WWOX: variants seen among roughly 807,000 people sequenced by gnomAD.
The protein encoded by WWOX is WW domain containing oxidoreductase, also known as WW domain-containing oxidoreductase.
In WWOX, 69 loss-of-function variants were observed where a neutral mutation model predicts 46.2. The observed-to-expected ratio is 1.49, with a 90% confidence interval of 1.23 to 1.82. The LOEUF (loss-of-function observed/expected upper bound fraction) is 1.82, where lower values mean the gene tolerates loss of function less well. WWOX is among the 40% of genes most tolerant of loss of function. WWOX has a pLI of 0.00. For synonymous variants in WWOX, 359 were observed against 202.6 expected, an observed-to-expected ratio of 1.77 and a Z score of -6.56; for missense variants, 919 against 542.6, an observed-to-expected ratio of 1.69 and a Z score of -6.89.
At chr16:79,018,817 G>A (rs779106456) in intron 8 of WWOX, among the ~76,000 whole-genome samples, 26 of 152,190 alleles carry the variant, frequency 1.7e-4, no homozygotes, top group Non-Finnish European at 2.4e-4. Context: ...ACCCAAGGAT[G>A]ATGATTCATT....
At chr16:79,104,543 G>C (rs1479439613) in intron 8 of WWOX, among the ~76,000 whole-genome samples, 1 of 152,152 alleles carries the variant, frequency 6.6e-6, no homozygotes, top group Non-Finnish European at 1.5e-5. Flanking sequence ...TTGACAACTT[G>C]ACATCAAATT....
intron 8 of WWOX, among the ~76,000 whole-genome samples, chr16:79,175,990 TTAGC>T (rs2050792690): frequency 1.3e-5 from 2 of 152,226 alleles, no homozygotes; most frequent in Non-Finnish European, 2.9e-5. Context: ...CCTTTGAATT[TTAGC>T]AGAAATGTTA....
intron 8 of WWOX, among the ~76,000 whole-genome samples, chr16:78,784,579 A>G (rs540196259): frequency 6.6e-6 from 1 of 152,170 alleles, no homozygotes; most frequent in East Asian, 1.9e-4. Flanking sequence ...GATAATAGGA[A>G]TTGTCGCAAA....
At chr16:78,421,406 T>G (rs896892145) in intron 6 of WWOX, among the ~76,000 whole-genome samples, 1 of 152,210 alleles carries the variant, frequency 6.6e-6, no homozygotes, top group Non-Finnish European at 1.5e-5. Context: ...CTGTGGGTGT[T>G]CCTTCTCCCC....
chr16:78,519,523 G>C (rs534780088), intron 8 of WWOX, among the ~76,000 whole-genome samples: 1 of 151,134 alleles, frequency 6.6e-6, no homozygotes, highest in South Asian at 2.1e-4. Context: ...TGGATATATA[G>C]ACATACACAG....
rs1395085077 is a variant in WWOX at position 78,699,373 on chromosome 16, AC to A, written c.1056+266622del. Among the ~76,000 whole-genome samples the A allele has an allele frequency of 2.1e-5, 3 of 140,570 alleles. No individual in the cohort carries two copies. The East Asian group carries it at 5.9e-4, about 27-fold the overall frequency. 92.2% of individuals were successfully genotyped at this position (140,570 alleles called of 152,430 possible). ...GTGAAGCCGTGTTTCTACAAAAAAT[AC>A]AAAAAAAAAAAAAAATTAGCCAGGC... On this transcript the variant is annotated intron_variant, in intron 8 of 8. Transcript: ENST00000566780.
intron 6 of WWOX, among the ~76,000 whole-genome samples, chr16:78,402,482 G>C (rs2082436477): frequency 6.6e-6 from 1 of 152,098 alleles, no homozygotes; most frequent in Admixed American, 6.6e-5. Flanking sequence ...ATGGGTGGGG[G>C]GTTGCAGTAA....
At chr16:78,372,776 T>G (rs113527777) in intron 5 of WWOX, among the ~76,000 whole-genome samples, 4,234 of 152,324 alleles carry the variant, frequency 0.028, 173 homozygotes, top group African/African-American at 0.09. Flanking sequence ...TTCCCATTAA[T>G]TCATGAGTAG....
intron 8 of WWOX, among the ~76,000 whole-genome samples, chr16:78,929,936 T>G (rs2045581945): frequency 6.6e-6 from 1 of 152,158 alleles, no homozygotes; most frequent in Non-Finnish European, 1.5e-5. Context: ...TAGTTCAGGA[T>G]AAAAATTCCC....
chr16:78,771,587 C>T (rs2050065901), intron 8 of WWOX, among the ~76,000 whole-genome samples: 1 of 152,050 alleles, frequency 6.6e-6, no homozygotes, highest in East Asian at 1.9e-4. Context: ...GCCTGGCCAG[C>T]ATGGTGAAAC....
chr16:78,888,264 G>C (rs146522805), intron 8 of WWOX, among the ~76,000 whole-genome samples: 1 of 152,206 alleles, frequency 6.6e-6, no homozygotes, highest in African/African-American at 2.4e-5. Flanking sequence ...TTCTGAAAGT[G>C]ACTTGAGAAC....
At chr16:78,387,612 C>T (rs2082087309) in intron 6 of WWOX, among the ~76,000 whole-genome samples, 2 of 152,028 alleles carry the variant, frequency 1.3e-5, no homozygotes, top group Non-Finnish European at 2.9e-5. Context: ...GAGAGACAGA[C>T]AGGAGGCCTC....
chr16:78,996,942 C>T (rs950230039), intron 8 of WWOX, among the ~76,000 whole-genome samples: 2 of 152,356 alleles, frequency 1.3e-5, no homozygotes, highest in African/African-American at 4.8e-5. Context: ...CAAGCATCCT[C>T]TCCCGCGCCT....
intron 8 of WWOX, among the ~76,000 whole-genome samples, chr16:78,968,960 C>T (rs956646691): frequency 4.0e-5 from 6 of 151,698 alleles, no homozygotes; most frequent in Admixed American, 1.3e-4. Flanking sequence ...AGCTTTTTTC[C>T]ACTTTCAAAT....
At chr16:78,108,616 C>G (rs762294583) in intron 2 of WWOX, 129 bp downstream of exon 2, 1 of 972,014 alleles carries the variant, frequency 1.0e-6, no homozygotes, top group Non-Finnish European at 1.6e-6. Context: ...GACTCCCACT[C>G]TGAGGAGCTT....
intron 5 of WWOX, among the ~76,000 whole-genome samples, chr16:78,240,223 A>G (rs2037592088): frequency 6.6e-6 from 1 of 152,106 alleles, no homozygotes; most frequent in African/African-American, 2.4e-5. Flanking sequence ...GTGTGCCTGC[A>G]ATCCCAGCTA....
chr16:78,543,945 C>CA lies in WWOX; in HGVS notation c.1056+111200dup, dbSNP rs111863475. Among the ~76,000 whole-genome samples, 43 of 151,876 alleles carry CA rather than the reference C, an allele frequency of 2.8e-4. 1 individual carries two copies. The highest frequency in any genetic ancestry group is 9.6e-4 in the African/African-American group (40 of 41,464). ...CAACAGCCTGCCATAAATTTCTTGTCAAAAAAAGAGGTTATGATTAGAATA... is the reference window on the plus strand; with the variant it reads ...CAACAGCCTGCCATAAATTTCTTGTCAAAAAAAAGAGGTTATGATTAGAATA... On this transcript the variant is annotated intron_variant, in intron 8 of 8. Coordinates refer to ENST00000566780, the MANE Select transcript of WWOX (RefSeq NM_016373.4).
chr16:78,806,201 A>G (rs1277405198), intron 8 of WWOX, among the ~76,000 whole-genome samples: 1 of 152,194 alleles, frequency 6.6e-6, no homozygotes, highest in Non-Finnish European at 1.5e-5. Flanking sequence ...TTTTTCTACA[A>G]CCAAGACCTT....
chr16:78,168,315 G>C (rs551330657), intron 5 of WWOX: 2 of 152,270 alleles, frequency 1.3e-5, no homozygotes, highest in South Asian at 4.1e-4. Context: ...TTAGCCAGCA[G>C]AATGCTATTC....
Sources: allele counts gnomAD v4.1 joint callset (sites outside exome capture counted in the v4.1 genomes callset), GRCh38; gene constraint gnomAD v4.1.1; transcripts MANE v1.5; gene names NCBI Gene and HGNC (gene_info 2026-07-23, HGNC 2026-07-21).